The following CCDC102B variants were observed in gnomAD, a reference collection of about 807,000 sequenced individuals.
CCDC102B encodes the protein coiled-coil domain containing 102B.
In CCDC102B, 75 loss-of-function variants were observed where a neutral mutation model predicts 57.4. The observed-to-expected ratio is 1.31, with a 90% CI of 1.08 to 1.58. The LOEUF (loss-of-function observed/expected upper bound fraction) is 1.58, where lower values mean the gene tolerates loss of function less well. CCDC102B is among the 40% of genes most tolerant of loss of function. The pLI, the probability that CCDC102B is intolerant of heterozygous loss-of-function variation, is 0.00. For synonymous variants in CCDC102B, 206 were observed against 201.9 expected (o/e 1.02, Z -0.17); for missense variants, 636 against 582.6 (o/e 1.09, Z -0.94).
chr18:68,791,002 A>G (rs1364223476), intron 2 of CCDC102B, among the ~76,000 whole-genome samples: 1 of 152,228 alleles, frequency 6.6e-6, no homozygotes, highest in Non-Finnish European at 1.5e-5. Flanking sequence ...AGAGATTAGC[A>G]AAAAACAATA....
chr18:68,968,935 A>G (rs1446515842), intron 6 of CCDC102B, among the ~76,000 whole-genome samples: 3 of 152,150 alleles, frequency 2.0e-5, no homozygotes, highest in African/African-American at 7.2e-5. Context: ...AAAATCACCA[A>G]ATTGTATACA....
chr18:68,775,394 G>C (rs1020200639), intron 2 of CCDC102B, among the ~76,000 whole-genome samples: 1 of 151,952 alleles, frequency 6.6e-6, no homozygotes, highest in Middle Eastern at 3.2e-3. Context: ...ATTTAGATAA[G>C]ATCTATACAT....
chr18:68,955,996 A>G (rs2049835098), intron 6 of CCDC102B, among the ~76,000 whole-genome samples: 1 of 151,966 alleles, frequency 6.6e-6, no homozygotes. Flanking sequence ...GCTATCAAAT[A>G]CTAGATCTTA....
intron 6 of CCDC102B, among the ~76,000 whole-genome samples, chr18:68,941,083 A>AT (rs1042194354): frequency 2.8e-4 from 41 of 145,946 alleles, no homozygotes; most frequent in Middle Eastern, 3.8e-3. Flanking sequence ...TTTGCTATTT[A>AT]TTTATTTTTT....
At chr18:69,030,655 TGTTTTTGTTTTG>T (rs767728422) in intron 7 of CCDC102B, among the ~76,000 whole-genome samples, 28 of 152,070 alleles carry the variant, frequency 1.8e-4, no homozygotes, top group Admixed American at 3.9e-4. Context: ...CAAATGAGTA[TGTTTTTGTTTTG>T]GTTTTTGTTT....
intron 7 of CCDC102B, among the ~76,000 whole-genome samples, chr18:69,014,097 A>G (rs2051595099): frequency 6.6e-6 from 1 of 152,230 alleles, no homozygotes. Context: ...AATGTTTCTA[A>G]AAGTATTACT....
chr18:68,720,297 C>T (rs1411297033), intron 2 of CCDC102B, among the ~76,000 whole-genome samples: 1 of 152,138 alleles, frequency 6.6e-6, no homozygotes, highest in African/African-American at 2.4e-5. Context: ...CTTTTGTATC[C>T]ATGGATCAAG....
rs1362809802 is a variant in CCDC102B at position 68,897,209 on chromosome 18, C to G, written c.1054-10C>G. 6.2e-7 allele frequency: 1 copy of G among 1,600,040 alleles called. No individual in the cohort carries two copies. The highest frequency in any genetic ancestry group is 2.2e-5 in the East Asian group (1 of 44,770). On this transcript the variant is annotated splice_polypyrimidine_tract_variant and intron_variant, in intron 5 of 7. Coordinates refer to ENST00000360242, the MANE Select transcript of CCDC102B (RefSeq NM_024781.3). ...GCTGCATGCTGCTTCTTTGTGTTTT[C>G]TGTGTGTAGCTAGAGAGATTGCAAG...
chr18:68,876,235 G>A (rs2039442303), intron 5 of CCDC102B, among the ~76,000 whole-genome samples: 1 of 152,124 alleles, frequency 6.6e-6, no homozygotes. Flanking sequence ...TATTGTATCT[G>A]CTGTGCTGTG....
At chr18:68,725,779 A>C (rs566001247) in intron 2 of CCDC102B, among the ~76,000 whole-genome samples, 1 of 152,230 alleles carries the variant, frequency 6.6e-6, no homozygotes, top group African/African-American at 2.4e-5. Context: ...CCTTCAGAGC[A>C]GTAACTGGAT....
At position 68,719,215 on chromosome 18, in the gene CCDC102B, A is replaced by T. The variant is rs139427410; in HGVS notation, c.-67+2621A>T. Among the ~76,000 whole-genome samples, 69 of 152,332 alleles carry T rather than the reference A, an allele frequency of 4.5e-4. 1 individual carries two copies. Among genetic ancestry groups the T allele is most frequent in the African/African-American group, 1.6e-3 (68 of 41,576 alleles). ...ATTGATTTTAAAATATGTGCTACCA[A>T]TCTTTATGAAAACAAAAATTAATCT... On this transcript the variant is annotated intron_variant, in intron 2 of 3. Coordinates refer to the CCDC102B transcript ENST00000578970.
rs1568227169 is a variant in CCDC102B at position 68,741,708 on chromosome 18, CA to C, written c.-67+25115del. On this transcript the variant is annotated intron_variant, in intron 2 of 3. Coordinates refer to the CCDC102B transcript ENST00000578970. ...ACACACACACACACACACACACACA[CA>C]CACACCCCAAGACAATATAGAAAGG... Among the ~76,000 whole-genome samples, 435 of 115,898 alleles carry C rather than the reference CA, an allele frequency of 3.8e-3. 3 individuals carry two copies. Among genetic ancestry groups the C allele is most frequent in the African/African-American group, 1.0e-2 (254 of 25,466 alleles). 76.0% of individuals were successfully genotyped at this position (115,898 alleles called of 152,430 possible).
At chr18:68,803,211 C>T (rs1244167202) in intron 1 of CCDC102B, among the ~76,000 whole-genome samples, 5 of 152,162 alleles carry the variant, frequency 3.3e-5, no homozygotes, top group Admixed American at 3.3e-4. Flanking sequence ...TTCTAAGTCA[C>T]TCTGTTTTAG....
At chr18:68,980,715 A>G (rs1165611251) in intron 6 of CCDC102B, among the ~76,000 whole-genome samples, 1 of 152,020 alleles carries the variant, frequency 6.6e-6, no homozygotes, top group Non-Finnish European at 1.5e-5. Context: ...CCCAAGGCCC[A>G]AAAGGCAGAA....
At chr18:68,873,427 G>A (rs2039312572) in intron 4 of CCDC102B, among the ~76,000 whole-genome samples, 1 of 151,982 alleles carries the variant, frequency 6.6e-6, no homozygotes, top group African/African-American at 2.4e-5. Context: ...TTATTTCAAT[G>A]GCCTTTAGGT....
chr18:68,955,807 T>C, intron 6 of CCDC102B, among the ~76,000 whole-genome samples: 1 of 152,024 alleles, frequency 6.6e-6, no homozygotes. Context: ...TGTATTAAAT[T>C]ATGGGGTATG....
At chr18:69,023,378 T>C (rs2051900764) in intron 7 of CCDC102B, among the ~76,000 whole-genome samples, 2 of 152,140 alleles carry the variant, frequency 1.3e-5, no homozygotes. Context: ...ACATAATTGA[T>C]TGAACTAGGA....
At chr18:68,974,774 TA>T (rs2050389907) in intron 6 of CCDC102B, among the ~76,000 whole-genome samples, 1 of 151,836 alleles carries the variant, frequency 6.6e-6, no homozygotes, top group Admixed American at 6.6e-5. Flanking sequence ...AACTTTATAA[TA>T]AAAAAGTGAA....
chr18:68,780,134 A>ACTT (rs1399115808), intron 2 of CCDC102B, among the ~76,000 whole-genome samples: 1 of 151,982 alleles, frequency 6.6e-6, no homozygotes, highest in Non-Finnish European at 1.5e-5. Context: ...TTTTTCACTG[A>ACTT]CTTCTTTTAC....
Sources: gnomAD v4.1 joint callset for allele counts (sites outside exome capture counted in the v4.1 genomes callset) on GRCh38, gnomAD v4.1.1 for gene constraint, MANE v1.5 for transcripts, NCBI Gene and HGNC (gene_info 2026-07-23, HGNC 2026-07-21) for gene names.